AK9: variants seen among roughly 807,000 people sequenced by gnomAD.
AK9 encodes the protein adenylate kinase 9.
Under a neutral mutation model 239.6 loss-of-function variants are expected in AK9, and 191 were observed. The ratio of observed to expected loss-of-function variants is 0.80; its 90% CI spans 0.71 to 0.90. AK9 has a LOEUF of 0.90. AK9 is among the 40% of genes least tolerant of loss of function. The pLI is 0.00. For missense variants in AK9, 1,995 were observed against 2,214.7 expected (o/e 0.90, Z 1.99); for synonymous variants, 689 against 721.0 (o/e 0.96, Z 0.71).
intron 29 of AK9, 103 bp from the exon 30 acceptor site, chr6:109,516,745 G>A: frequency 1.0e-6 from 1 of 994,666 alleles, no homozygotes; most frequent in East Asian, 2.6e-5. Context: ...GATATTGGTT[G>A]GTATTGCATG....
chr6:109,553,141 G>A (rs1204424697), intron 24 of AK9, among the ~76,000 whole-genome samples: 1 of 152,164 alleles, frequency 6.6e-6, no homozygotes, highest in African/African-American at 2.4e-5. Context: ...GTAGCGTGAT[G>A]CCTCTAGCTT....
chr6:109,665,673 G>A (rs1801089317), intron 5 of AK9, among the ~76,000 whole-genome samples: 2 of 152,202 alleles, frequency 1.3e-5, no homozygotes, highest in African/African-American at 2.4e-5. Flanking sequence ...GAACGGGACT[G>A]CATGCCTAGC....
chr6:109,663,894 A>G (rs1042345054), intron 5 of AK9, among the ~76,000 whole-genome samples: 2 of 152,192 alleles, frequency 1.3e-5, no homozygotes, highest in African/African-American at 4.8e-5. Context: ...GGCTATTAAA[A>G]TACTCCTCCC....
intron 20 of AK9, among the ~76,000 whole-genome samples, chr6:109,578,003 C>T (rs933439364): frequency 5.3e-5 from 8 of 151,534 alleles, no homozygotes; most frequent in African/African-American, 1.5e-4. Context: ...ACGATCTCAG[C>T]TCACTGCAAC....
chr6:109,691,160 C>T lies in AK9; in HGVS notation c.-25G>A. The T allele has an allele frequency of 3.5e-6, 2 of 567,690 alleles. No individual in the cohort carries two copies. Among genetic ancestry groups the T allele is most frequent in the Middle Eastern group, 4.4e-4 (1 of 2,260 alleles). The allele number at this position is 567,690 out of a possible 1,614,324, so 35.2% of individuals were successfully genotyped here. ...TCCAATCCTTACCAAAGATGGTGCC[C>T]TTCGCTTCCTCTCTCGGCAGCACGC... On this transcript the variant is annotated 5_prime_UTR_variant, in exon 1 of 41. Transcript: ENST00000424296.
chr6:109,587,263 T>A (rs1214569310), intron 17 of AK9, among the ~76,000 whole-genome samples: 2 of 152,246 alleles, frequency 1.3e-5, no homozygotes, highest in East Asian at 3.8e-4. Flanking sequence ...GAAATTGTAT[T>A]TTTGAAACAA....
intron 3 of AK9, among the ~76,000 whole-genome samples, chr6:109,673,909 A>G (rs1771298656): frequency 6.6e-6 from 1 of 151,832 alleles, no homozygotes; most frequent in Non-Finnish European, 1.5e-5. Context: ...CAAGGTGGGA[A>G]GACTGTTTGA....
intron 17 of AK9, among the ~76,000 whole-genome samples, chr6:109,599,863 T>C (rs1791654353): frequency 6.6e-6 from 1 of 152,178 alleles, no homozygotes; most frequent in African/African-American, 2.4e-5. Context: ...CACTCATGAT[T>C]TGGCTCTCTG....
chr6:109,602,649 G>C (rs1792190681), intron 17 of AK9, among the ~76,000 whole-genome samples: 1 of 152,272 alleles, frequency 6.6e-6, no homozygotes, highest in Admixed American at 6.5e-5. Flanking sequence ...AATTCTCCTG[G>C]ATAATATCCT....
chr6:109,509,574 G>A (rs573781512), intron 32 of AK9, among the ~76,000 whole-genome samples, 194 bp from the exon 33 acceptor site: 15 of 152,226 alleles, frequency 9.9e-5, no homozygotes, highest in African/African-American at 3.4e-4. Context: ...CCATGCTGCA[G>A]ACCCAGGCCT....
chr6:109,535,823 T>C (rs1781901704), intron 27 of AK9, among the ~76,000 whole-genome samples: 1 of 152,234 alleles, frequency 6.6e-6, no homozygotes, highest in Non-Finnish European at 1.5e-5. Flanking sequence ...TTTCTACATA[T>C]GGCTAGCCAG....
intron 13 of AK9, among the ~76,000 whole-genome samples, chr6:109,616,617 T>A (rs1794220871): frequency 1.3e-5 from 2 of 152,058 alleles, no homozygotes; most frequent in Non-Finnish European, 2.9e-5. Flanking sequence ...CCTCAAGAGA[T>A]CGTCCCACTT....
Position 109,506,461 on chromosome 6 carries a change from T to C in AK9, c.4715A>G (p.Tyr1572Cys). The change falls in exon 35 of 41, where the codon TAT (tyrosine) becomes TGT (cysteine). Residue 1572 changes from tyrosine (Y) to cysteine (C), a missense_variant. Coordinates refer to ENST00000424296, the MANE Select transcript of AK9 (RefSeq NM_001145128.3). Reference protein sequence around the residue: ...YRKNIGEIRQYYQEQHQNWYV... With the variant: ...YRKNIGEIRQCYQEQHQNWYV... ...CCAGTTCTGATGCTGTTCTTGATAA[T>C]ATTGCCTAATCTCACCAATATTTTT... 6.2e-7 allele frequency: 1 copy of C among 1,613,788 alleles called. No homozygotes were observed. Among genetic ancestry groups the C allele is most frequent in the Non-Finnish European group, 8.5e-7 (1 of 1,179,924 alleles).
At chr6:109,651,091 G>T (rs1334438052) in intron 8 of AK9, among the ~76,000 whole-genome samples, 1 of 151,994 alleles carries the variant, frequency 6.6e-6, no homozygotes, top group Non-Finnish European at 1.5e-5. Context: ...TGGGGTGGGG[G>T]TAGTGGGGAG....
intron 1 of AK9, among the ~76,000 whole-genome samples, chr6:109,678,782 G>C (rs1447668464): frequency 1.3e-5 from 2 of 152,150 alleles, no homozygotes. Flanking sequence ...GGACTGGTTA[G>C]ACAGTGGATG....
intron 17 of AK9, among the ~76,000 whole-genome samples, chr6:109,587,172 T>C (rs1454623936): frequency 1.3e-5 from 2 of 152,160 alleles, no homozygotes; most frequent in African/African-American, 4.8e-5. Context: ...CTTTGAAATG[T>C]TTAACATAAG....
intron 31 of AK9, among the ~76,000 whole-genome samples, chr6:109,515,229 G>A (rs1214593473): frequency 6.6e-6 from 1 of 152,140 alleles, no homozygotes; most frequent in African/African-American, 2.4e-5. Context: ...TACTAGTAGG[G>A]CAAATCCCAC....
intron 29 of AK9, among the ~76,000 whole-genome samples, chr6:109,520,063 C>G (rs555743939): frequency 6.6e-6 from 1 of 152,094 alleles, no homozygotes; most frequent in Non-Finnish European, 1.5e-5. Context: ...CCTGTTTATT[C>G]TGTTGATAGT....
At chr6:109,527,033 C>T (rs1780612633) in intron 29 of AK9, among the ~76,000 whole-genome samples, 1 of 152,082 alleles carries the variant, frequency 6.6e-6, no homozygotes, top group East Asian at 1.9e-4. Flanking sequence ...TCACTTGCTC[C>T]CCGGGCTTCC....
Sources: gnomAD v4.1 joint callset for allele counts (sites outside exome capture counted in the v4.1 genomes callset) on GRCh38, gnomAD v4.1.1 for gene constraint, MANE v1.5 for transcripts, NCBI Gene and HGNC (gene_info 2026-07-23, HGNC 2026-07-21) for gene names.